Variants in SMARCA2 observed in about 807,000 individuals in gnomAD.
SMARCA2 encodes SWI/SNF related BAF chromatin remodeling complex subunit ATPase 2, also known as SWI/SNF-related matrix-associated actin-dependent regulator of chromatin subfamily A member 2.
Under a neutral mutation model 199.8 loss-of-function variants are expected in SMARCA2, and 61 were observed. The observed-to-expected ratio is 0.31, with a 90% CI of 0.25 to 0.38. SMARCA2 has a LOEUF of 0.38. Ranked by LOEUF, SMARCA2 falls within the 10% of genes least tolerant of loss-of-function variation. SMARCA2 has a pLI of 1.00. For synonymous variants in SMARCA2, 935 were observed against 732.0 expected, an observed-to-expected ratio of 1.28 and a Z score of -4.48; for missense variants, 1,344 against 2,012.2, an observed-to-expected ratio of 0.67 and a Z score of 6.35.
At chr9:2,035,562 A>G (rs1268360123) in intron 3 of SMARCA2, among the ~76,000 whole-genome samples, 1 of 152,178 alleles carries the variant, frequency 6.6e-6, no homozygotes, top group African/African-American at 2.4e-5. Context: ...TCAACTTAAG[A>G]ATGATGTCTT....
chr9:2,185,584 C>T (rs747349294), intron 31 of SMARCA2, among the ~76,000 whole-genome samples: 1 of 152,076 alleles, frequency 6.6e-6, no homozygotes, highest in Non-Finnish European at 1.5e-5. Flanking sequence ...GGAAAAGGAC[C>T]ATTTTTGAAC....
rs1023836607 is a variant in SMARCA2 at position 2,125,448 on chromosome 9, G to A, written c.3981+1511G>A. Among the ~76,000 whole-genome samples, 12 of 149,742 alleles carry A rather than the reference G, an allele frequency of 8.0e-5. No homozygotes were observed. The East Asian group carries it at 9.9e-4, about 12-fold the overall frequency. Reference sequence around the variant, plus strand: ...TTAAGCAATAAATTGAGTACCTGGAGTATTATTACAGCAGACGGGACAATA... The same window carrying A: ...TTAAGCAATAAATTGAGTACCTGGAATATTATTACAGCAGACGGGACAATA... On this transcript the variant is annotated intron_variant, in intron 27 of 33. Coordinates refer to ENST00000349721, the MANE Select transcript of SMARCA2 (RefSeq NM_003070.5).
At chr9:2,150,510 G>A (rs2130717602) in intron 27 of SMARCA2, among the ~76,000 whole-genome samples, 1 of 151,696 alleles carries the variant, frequency 6.6e-6, no homozygotes, top group South Asian at 2.1e-4. Flanking sequence ...GGGTGGGGCA[G>A]TTTCCCTTAG....
Position 2,110,095 on chromosome 9 carries a change from C to G in SMARCA2, c.3293-159C>G, listed in dbSNP as rs1822931364. Among the ~76,000 whole-genome samples the G allele has an allele frequency of 6.6e-6, 1 of 151,990 alleles. No individual in the cohort carries two copies. On this transcript the variant is annotated intron_variant, in intron 23 of 33. Transcript: ENST00000349721. This position sits in a 1 kb window ranked among gnomAD's most constrained non-coding sequence, Gnocchi z 4.8. ...TTTTTTTTTGTAATTGCAAAATGTTCAAAGTTTTTTATCCAGAAGTACAAA... is the reference window on the plus strand; with the variant it reads ...TTTTTTTTTGTAATTGCAAAATGTTGAAAGTTTTTTATCCAGAAGTACAAA...
intron 11 of SMARCA2, 79 bp from the exon 12 acceptor site, chr9:2,073,487 C>A: frequency 6.9e-7 from 1 of 1,442,148 alleles, no homozygotes; most frequent in Non-Finnish European, 9.6e-7. Flanking sequence ...ATAGAATGTG[C>A]TATTAAGTCA....
chr9:2,175,042 T>TTGAG (rs1265552978), intron 29 of SMARCA2, among the ~76,000 whole-genome samples: 2 of 151,594 alleles, frequency 1.3e-5, no homozygotes, highest in African/African-American at 2.4e-5. Context: ...CAGGGACGCT[T>TTGAG]TGAGTCATGA....
intron 5 of SMARCA2, among the ~76,000 whole-genome samples, chr9:2,050,559 C>CTT (rs978504631): frequency 6.6e-6 from 1 of 151,784 alleles, no homozygotes; most frequent in African/African-American, 2.4e-5. Flanking sequence ...TAAAGTCAGA[C>CTT]TTTAGTATGA....
chr9:2,043,836 T>C (rs1283412086), intron 4 of SMARCA2: 1 of 152,234 alleles, frequency 6.6e-6, no homozygotes, highest in Non-Finnish European at 1.5e-5. Flanking sequence ...GACTCCCTTC[T>C]GGAGGGCCAG....
At chr9:2,067,706 A>T (rs1161845414) in intron 9 of SMARCA2, among the ~76,000 whole-genome samples, 1 of 152,248 alleles carries the variant, frequency 6.6e-6, no homozygotes, top group Non-Finnish European at 1.5e-5. Flanking sequence ...GAGAGCTAAG[A>T]TTGAAACACA....
intron 5 of SMARCA2, among the ~76,000 whole-genome samples, chr9:2,051,177 G>A (rs541895479): frequency 1.4e-4 from 21 of 152,258 alleles, no homozygotes; most frequent in African/African-American, 4.8e-4. Context: ...TGTTAAAGAA[G>A]CCCCTCCTGT....
rs182451822 is a variant in SMARCA2, at chr9:2,103,345, C to T, written c.3126-658C>T. Among the ~76,000 whole-genome samples the T allele has an allele frequency of 1.3e-3, 203 of 152,266 alleles. 1 individual carries two copies. The highest frequency in any genetic ancestry group is 3.1e-3 in the South Asian group (15 of 4,822). ...CTTATTTGTAAAAACAGACAGCAGA[C>T]GGGGCCAAAGGTTGCCAAACTCTGC... On this transcript the variant is annotated intron_variant, in intron 22 of 33. Transcript: ENST00000349721.
chr9:2,094,595 C>A (rs1183137609), intron 19 of SMARCA2, among the ~76,000 whole-genome samples: 1 of 152,200 alleles, frequency 6.6e-6, no homozygotes, highest in Non-Finnish European at 1.5e-5. Flanking sequence ...TCTCCTCAGT[C>A]GTCCTAACGT....
intron 4 of SMARCA2, chr9:2,040,737 T>C (rs188665410): frequency 2.0e-5 from 3 of 152,382 alleles, no homozygotes; most frequent in Admixed American, 2.0e-4. Flanking sequence ...CTATTTCTTA[T>C]ACACCTTGGG....
At chr9:2,020,834 G>C (rs1818570120) in intron 1 of SMARCA2, among the ~76,000 whole-genome samples, 1 of 152,146 alleles carries the variant, frequency 6.6e-6, no homozygotes, top group African/African-American at 2.4e-5. Context: ...TTGAATGTTT[G>C]ATATAAACAC....
At chr9:2,081,757 C>A in intron 14 of SMARCA2, 75 bp from the exon 15 acceptor site, 2 of 1,363,034 alleles carry the variant, frequency 1.5e-6, no homozygotes, top group South Asian at 1.3e-5. Context: ...AGAAGTCACA[C>A]CCTCACTTGG....
At chr9:2,144,993 T>C (rs940397372) in intron 27 of SMARCA2, among the ~76,000 whole-genome samples, 1 of 151,930 alleles carries the variant, frequency 6.6e-6, no homozygotes, top group African/African-American at 2.4e-5. Context: ...GAGAGAAAAA[T>C]GTGGCTAGTA....
Position 2,123,755 on chromosome 9 carries a change from A to C in SMARCA2, c.3799A>C (p.Asn1267His), listed in dbSNP as rs774351704. 1.9e-6 allele frequency: 3 copies of C among 1,614,016 alleles called. No homozygotes were observed. The highest frequency in any genetic ancestry group is 2.7e-5 in the African/African-American group (2 of 74,932). Residue 1267 changes from asparagine to histidine, a missense_variant, in exon 27 of 34, where the codon AAC becomes CAC. By Grantham distance (68) the Asn-to-His change is moderately conservative. Transcript: ENST00000349721. This position sits in a 1 kb window ranked among gnomAD's most constrained non-coding sequence, Gnocchi z 4.1. ...GGACCGGCGGAGGGAAGATGCCCGG[A>C]ACCCGAAACGGAAGCCCCGTTTAAT... ...DMDRRREDARNPKRKPRLMEE... is the reference protein window; with the variant it reads ...DMDRRREDARHPKRKPRLMEE...
intron 27 of SMARCA2, among the ~76,000 whole-genome samples, chr9:2,155,570 T>C (rs1268600411): frequency 2.6e-5 from 4 of 152,174 alleles, no homozygotes. Context: ...CGTGAGCCAC[T>C]GCGCGGGGGC....
At chr9:2,118,548 G>A (rs996117257) in intron 25 of SMARCA2, among the ~76,000 whole-genome samples, 2 of 152,010 alleles carry the variant, frequency 1.3e-5, no homozygotes, top group Admixed American at 1.3e-4. Context: ...TTCTTCCCTC[G>A]ACTGATACAC....
Sources: gnomAD v4.1 joint callset for allele counts (sites outside exome capture counted in the v4.1 genomes callset) on GRCh38, gnomAD v4.1.1 for gene constraint, Gnocchi (gnomAD v3.1) non-coding constraint, MANE v1.5 for transcripts, NCBI Gene and HGNC (gene_info 2026-07-23, HGNC 2026-07-21) for gene names.